ZNF324B: variants seen among roughly 807,000 people sequenced by gnomAD.
ZNF324B encodes the protein zinc finger protein 324B.
ZNF324B carries 7 observed loss-of-function variants against 10.6 expected under a neutral mutation model. The observed-to-expected ratio is 0.66, with a 90% CI of 0.38 to 1.24. ZNF324B has a LOEUF of 1.24. Among genes scored for constraint, ZNF324B ranks in the 50% most tolerant of loss-of-function variants. ZNF324B has a pLI of 0.02. For missense variants in ZNF324B, 640 were observed against 764.7 expected (o/e 0.84, Z 1.92); for synonymous variants, 316 against 321.0 (o/e 0.98, Z 0.17).
chr19:58,431,821 C>G, the ZNF324B span, among the ~76,000 whole-genome samples: 2 of 152,112 alleles, frequency 1.3e-5, no homozygotes, highest in East Asian at 1.9e-4. Context: ...GAAAACCCGT[C>G]TCTACTAAAA....
the ZNF324B span, among the ~76,000 whole-genome samples, chr19:58,426,413 C>G: frequency 1.3e-5 from 2 of 152,164 alleles, no homozygotes; most frequent in Admixed American, 6.5e-5. Flanking sequence ...GTCAGAAGTT[C>G]TGGTGGACAC....
Position 58,455,172 on chromosome 19 carries a change from T to A in ZNF324B, c.239-11T>A. The A allele has an allele frequency of 6.2e-7, 1 of 1,614,090 alleles. No individual in the cohort carries two copies. Reference sequence around the variant, plus strand: ...GGATGCCCCAGGCAACCACCGTTTCTCTGCGTTTAGGTTCCTGGAGTTTGA... The same window carrying A: ...GGATGCCCCAGGCAACCACCGTTTCACTGCGTTTAGGTTCCTGGAGTTTGA... On this transcript the variant is annotated splice_polypyrimidine_tract_variant and intron_variant, in intron 3 of 3. Transcript: ENST00000336614. This position sits in a 1 kb window ranked among gnomAD's most constrained non-coding sequence, Gnocchi z 7.0.
chr19:58,453,756 G>C lies in ZNF324B; in HGVS notation c.55G>C (p.Asp19His), dbSNP rs772960698. The change falls in exon 2 of 4, where the codon GAC becomes CAC. Residue 19 changes from aspartate (D) to histidine (H), a missense_variant. Coordinates refer to ENST00000336614, the MANE Select transcript of ZNF324B (RefSeq NM_207395.3). ...YFSQEEWGLL[D>H]TAQRALYRHV... Reference sequence around the variant, plus strand: ...CTCCCAGGAGGAGTGGGGGCTCCTGGACACAGCGCAGAGGGCCCTGTACCG... The same window carrying C: ...CTCCCAGGAGGAGTGGGGGCTCCTGCACACAGCGCAGAGGGCCCTGTACCG... 2 of 1,614,192 alleles carry C rather than the reference G, an allele frequency of 1.2e-6. No homozygotes were observed. Among genetic ancestry groups the C allele is most frequent in the Non-Finnish European group, 1.7e-6 (2 of 1,180,016 alleles).
the ZNF324B span, chr19:58,433,755 T>A: frequency 2.1e-5 from 34 of 1,613,964 alleles, no homozygotes; most frequent in Non-Finnish European, 4.2e-6. Context: ...TTGTGTGAAC[T>A]CTCCAGTGTT....
At chr19:58,433,721 C>G in the ZNF324B span, 1,039 of 1,612,416 alleles carry the variant, frequency 6.4e-4, 1 homozygote, top group Non-Finnish European at 8.2e-4. Flanking sequence ...TTCCCACATT[C>G]ATTGCACTCA....
chr19:58,444,596 A>G, the ZNF324B span: 1 of 152,236 alleles, frequency 6.6e-6, no homozygotes, highest in African/African-American at 2.4e-5. Context: ...GACTTCGCTC[A>G]CTGCATGGTA....
the ZNF324B span, chr19:58,439,728 C>T: frequency 1.3e-6 from 2 of 1,495,128 alleles, no homozygotes; most frequent in Non-Finnish European, 1.8e-6. Flanking sequence ...GGAATCCCAG[C>T]GGGTGAGGGC....
At chr19:58,433,424 G>A in the ZNF324B span, 3 of 1,614,014 alleles carry the variant, frequency 1.9e-6, no homozygotes, top group Non-Finnish European at 2.5e-6. Flanking sequence ...TGAACTTTCT[G>A]GTGCCGAACA....
At chr19:58,427,839 C>T in the ZNF324B span, among the ~76,000 whole-genome samples, 2 of 152,208 alleles carry the variant, frequency 1.3e-5, no homozygotes, top group South Asian at 4.1e-4. Context: ...ATCTTGGCCA[C>T]TCACACAGAG....
upstream of ZNF324B, among the ~76,000 whole-genome samples, chr19:58,446,960 G>A (rs1483695227): frequency 3.1e-5 from 4 of 130,642 alleles, no homozygotes; most frequent in Non-Finnish European, 5.0e-5. Flanking sequence ...TTCTTTTCTC[G>A]TCCTTTCTTT....
At chr19:58,437,338 C>T in the ZNF324B span, 5 of 1,129,848 alleles carry the variant, frequency 4.4e-6, no homozygotes, top group Non-Finnish European at 6.1e-6. Context: ...CCACCCACTA[C>T]TCACCCATCC....
Position 58,455,315 on chromosome 19 carries a change from G to C in ZNF324B, c.371G>C (p.Arg124Pro), listed in dbSNP as rs755799741. 5.0e-6 allele frequency: 8 copies of C among 1,614,210 alleles called. No individual in the cohort carries two copies. In the Admixed American group the frequency reaches 8.3e-5, roughly 17 times the overall value. The change falls in exon 4 of 4, where the codon CGA becomes CCA. Residue 124 changes from arginine to proline, a missense_variant. Arg to Pro is a moderately radical substitution (Grantham distance 103). Around this residue, in one of 3 missense-constraint regions of ZNF324B, gnomAD observed 345 missense variants for 387.9 expected, o/e 0.89. Coordinates refer to ENST00000336614, the MANE Select transcript of ZNF324B (RefSeq NM_207395.3). This position sits in a 1 kb window ranked among gnomAD's most constrained non-coding sequence, Gnocchi z 7.0. ...TGCCACAGTGTAAAAAGCCTGCAGCGACAACCGGGTGCCTCCCCATCTCAG... is the reference window on the plus strand; with the variant it reads ...TGCCACAGTGTAAAAAGCCTGCAGCCACAACCGGGTGCCTCCCCATCTCAG... ...DACHSVKSLQ[R>P]QPGASPSQER...
At chr19:58,445,651 C>CA in the ZNF324B span, 3 of 351,006 alleles carry the variant, frequency 8.5e-6, no homozygotes, top group Non-Finnish European at 1.7e-5. Context: ...CCCCTCTTTA[C>CA]AAAAAATACA....
Position 58,451,628 on chromosome 19 carries a change from T to G in ZNF324B, c.-83T>G. On this transcript the variant is annotated 5_prime_UTR_variant, in exon 1 of 4. Coordinates refer to ENST00000336614, the MANE Select transcript of ZNF324B (RefSeq NM_207395.3). ...GACTTCCGGCGTTGGGACTGTCACT[T>G]GGCTGCTCGCGTCAGGCCACACCGG... The G allele has an allele frequency of 1.9e-6, 1 of 517,528 alleles. No homozygotes were observed. The highest frequency in any genetic ancestry group is 3.9e-6 in the Non-Finnish European group (1 of 259,142). 32.1% of individuals were successfully genotyped at this position (517,528 alleles called of 1,614,324 possible).
At chr19:58,432,372 C>A in the ZNF324B span, 1 of 502,404 alleles carries the variant, frequency 2.0e-6, no homozygotes, top group Admixed American at 2.1e-5. Context: ...TGCACACCCT[C>A]ACCCTGCACA....
chr19:58,434,062 C>G, the ZNF324B span: 14 of 1,614,148 alleles, frequency 8.7e-6, no homozygotes, highest in Non-Finnish European at 1.2e-5. Context: ...ACATTCACTG[C>G]ACTCAAAAGG....
the ZNF324B span, chr19:58,435,298 C>T: frequency 3.4e-6 from 5 of 1,463,204 alleles, no homozygotes; most frequent in Admixed American, 2.1e-5. Context: ...GGAATTCACA[C>T]CCAAGAAGAG....
At chr19:58,439,670 C>G in the ZNF324B span, 1 of 1,380,116 alleles carries the variant, frequency 7.2e-7, no homozygotes, top group Non-Finnish European at 9.6e-7. Context: ...ATCAAGAGTC[C>G]CAGGACACCA....
Position 58,457,582 on chromosome 19 carries a change from G to C in ZNF324B, c.*1003G>C, listed in dbSNP as rs1470009914. Reference sequence around the variant, plus strand: ...CCTCCTCAATTGGAGGCTGGACAGAGAGCTGAATAGGAAGGACTTGCCATT... The same window carrying C: ...CCTCCTCAATTGGAGGCTGGACAGACAGCTGAATAGGAAGGACTTGCCATT... On this transcript the variant is annotated 3_prime_UTR_variant, in exon 4 of 4. Coordinates refer to ENST00000336614, the MANE Select transcript of ZNF324B (RefSeq NM_207395.3). 7.2e-6 allele frequency: 1 copy of C among 139,152 alleles called. No individual in the cohort carries two copies. The highest frequency in any genetic ancestry group is 1.5e-5 in the Non-Finnish European group (1 of 66,746). The allele number at this position is 139,152 out of a possible 1,614,324, so 8.6% of individuals were successfully genotyped here.
Sources: gnomAD v4.1 joint callset for allele counts (sites outside exome capture counted in the v4.1 genomes callset) on GRCh38, gnomAD v4.1.1 for gene constraint, gnomAD v4.1.1 regional missense constraint, Gnocchi (gnomAD v3.1) non-coding constraint, MANE v1.5 for transcripts, NCBI Gene and HGNC (gene_info 2026-07-23, HGNC 2026-07-21) for gene names.